Variants in DPP7 observed in about 807,000 individuals in gnomAD.
DPP7 encodes the protein dipeptidyl peptidase 7, also known as dipeptidyl peptidase 2.
Under a neutral mutation model 58.8 loss-of-function variants are expected in DPP7, and 74 were observed. That is an observed-to-expected ratio of 1.26 (90% CI 1.04 to 1.53). DPP7 has a LOEUF of 1.53. Ranked by LOEUF, DPP7 falls within the 40% of genes most tolerant of loss-of-function variation. DPP7 has a pLI of 0.00. For missense variants in DPP7, 807 were observed against 692.3 expected, an observed-to-expected ratio of 1.17 and a Z score of -1.86; for synonymous variants, 350 against 303.6, an observed-to-expected ratio of 1.15 and a Z score of -1.59.
Position 137,113,409 on chromosome 9 carries a change from A to T in DPP7, c.573T>A (p.Ala191=). 1 of 1,609,312 alleles carries T rather than the reference A, an allele frequency of 6.2e-7. No homozygotes were observed. The highest frequency in any genetic ancestry group is 8.5e-7 in the Non-Finnish European group (1 of 1,177,162). ...GGTTGGAGTCGCCGAGGCCTGCCAC[A>T]GCTAGAACGGGCGCGCTGGCCGCCA... is the stretch of plus-strand genomic sequence containing the variant. ...GALAASAPVL[A]VAGLGDSNQF... The change falls in exon 5 of 13, where the codon GCT becomes GCA. Residue 191 remains alanine, a synonymous_variant. Transcript: ENST00000371579.
rs759766855 is a variant in DPP7 at position 137,114,343 on chromosome 9, TAGA to T, written c.218_220del (p.Phe73del). The stretch of plus-strand genomic sequence containing the variant: ...CCACACGTCGCCCTCGTTCCCAGTG[TAGA>T]AGAAGATGGGCCCCTCGCCCCGGAC... On this transcript the variant is annotated inframe_deletion, in exon 3 of 13. Transcript: ENST00000371579. The T allele has an allele frequency of 5.7e-5, 92 of 1,606,242 alleles. No homozygotes were observed. The Middle Eastern group carries it at 1.6e-3, about 28-fold the overall frequency.
At chr9:137,116,331 G>T (rs564567703), upstream of DPP7, among the ~76,000 whole-genome samples, 1 of 152,324 alleles carries the variant, frequency 6.6e-6, no homozygotes, top group South Asian at 2.1e-4. Flanking sequence ...TATGCTGTAT[G>T]GAATCAAGGT....
At position 137,112,939 on chromosome 9, in the gene DPP7, A is replaced by G. The variant is rs1015724003; in HGVS notation, c.870+14T>C. On this transcript the variant is annotated intron_variant, in intron 7 of 12. Transcript: ENST00000371579. ...AGCCGGCCTCTCCCTGCGCCCTGGGAGGCGGCGCCTCACCTTGACGGGGTT... is the reference window on the plus strand; with the variant it reads ...AGCCGGCCTCTCCCTGCGCCCTGGGGGGCGGCGCCTCACCTTGACGGGGTT... 1.9e-6 allele frequency: 3 copies of G among 1,612,692 alleles called. No individual in the cohort carries two copies. Among genetic ancestry groups the G allele is most frequent in the Non-Finnish European group, 2.5e-6 (3 of 1,179,700 alleles).
chr9:137,114,619 G>T (rs528535958), intron 1 of DPP7, 28 bp downstream of exon 1: 2 of 1,427,656 alleles, frequency 1.4e-6, no homozygotes, highest in Non-Finnish European at 1.8e-6. Context: ...CGGGACCGGG[G>T]AATGGGCCGG....
At position 137,114,499 on chromosome 9, in the gene DPP7, C is replaced by G. The variant is rs375476962; in HGVS notation, c.145G>C (p.Gly49Arg). ...AAGCGCTGAGGGAAGGTCTTGTTGC[C>G]GAAGCGCTCGAAGTTGAAGTGGTCC... ...RLDHFNFERF[G>R]NKTFPQRFLV... The change falls in exon 2 of 13, where the codon GGC becomes CGC. Residue 49 changes from glycine (G) to arginine (R), a missense_variant. Gly to Arg is a moderately radical substitution (Grantham distance 125). This residue lies in a region of DPP7 where 168 missense variants were observed against 124.1 expected (regional missense o/e 1.35). Transcript: ENST00000371579. The G allele has an allele frequency of 3.2e-6, 5 of 1,583,148 alleles. No individual in the cohort carries two copies. Among genetic ancestry groups the G allele is most frequent in the Non-Finnish European group, 3.4e-6 (4 of 1,165,536 alleles).
chr9:137,114,004 A>C lies in DPP7; in HGVS notation c.346T>G (p.Phe116Val). 6.6e-7 allele frequency: 1 copy of C among 1,520,144 alleles called. No homozygotes were observed. The highest frequency in any genetic ancestry group is 8.8e-7 in the Non-Finnish European group (1 of 1,132,242). The allele number at this position is 1,520,144 out of a possible 1,614,324, so 94.2% of individuals were successfully genotyped here. A position where few individuals can be genotyped will look rare whatever the true frequency, so the allele number is the denominator to read the frequency against. Reference protein sequence around the residue: ...EHRYYGKSLPFGAQSTQRGHT... With the variant: ...EHRYYGKSLPVGAQSTQRGHT... ...CCGCGCTGCGTGGACTGCGCACCGA[A>C]CGGCAGCGACTTCCCGTAGTAGCGC... The change falls in exon 4 of 13, where the codon TTC becomes GTC. Residue 116 changes from phenylalanine (F) to valine (V), a missense_variant. Phe to Val is a conservative substitution (Grantham distance 50). This residue lies in a region of DPP7 where 624 missense variants were observed against 531.2 expected (regional missense o/e 1.17). Transcript: ENST00000371579.
chr9:137,116,228 C>T (rs937096354), upstream of DPP7, among the ~76,000 whole-genome samples: 6 of 152,226 alleles, frequency 3.9e-5, no homozygotes, highest in African/African-American at 2.4e-5. Flanking sequence ...CCTCCCAAGC[C>T]GGGAAGGGTG....
At chr9:137,113,660 G>A (rs1293466313) in intron 4 of DPP7, 164 bp from the exon 5 acceptor site, 2 of 1,428,568 alleles carry the variant, frequency 1.4e-6, no homozygotes, top group South Asian at 1.5e-5. Context: ...AAGGCCGCTA[G>A]TGTGGCCGCA....
chr9:137,115,763 G>A (rs774846176), upstream of DPP7, among the ~76,000 whole-genome samples: 5 of 152,086 alleles, frequency 3.3e-5, no homozygotes, highest in African/African-American at 4.8e-5. Flanking sequence ...TGACCATCAC[G>A]TCACACTGCA....
upstream of DPP7, chr9:137,114,924 G>A (rs1357351164): frequency 2.9e-6 from 1 of 343,606 alleles, no homozygotes; most frequent in East Asian, 4.5e-5. Flanking sequence ...GGAAGCAGAG[G>A]GCCCCCGGGC....
chr9:137,112,984 A>AAGTC lies in DPP7; in HGVS notation c.835_838dup (p.Phe280Ter). 1 of 1,613,486 alleles carries AAGTC rather than the reference A, an allele frequency of 6.2e-7. No homozygotes were observed. Among genetic ancestry groups the AAGTC allele is most frequent in the Non-Finnish European group, 8.5e-7 (1 of 1,179,986 alleles). ...GGGGTTGGCAGGGAGGGGACCCAGGAAGTCAGTGGGGTAGGGGTAGTCCAT... is the reference window on the plus strand; with the variant it reads ...GGGGTTGGCAGGGAGGGGACCCAGGAAGTCAGTCAGTGGGGTAGGGGTAGTCCAT... On this transcript the variant is annotated stop_gained and frameshift_variant, in exon 7 of 13. Coordinates refer to ENST00000371579, the MANE Select transcript of DPP7 (RefSeq NM_013379.3). LOFTEE classifies it high-confidence loss of function.
intron 7 of DPP7, 27 bp from the exon 8 acceptor site, chr9:137,112,832 A>G: frequency 6.2e-7 from 1 of 1,606,494 alleles, no homozygotes; most frequent in Non-Finnish European, 8.5e-7. Context: ...GCGGCGACTC[A>G]GCGGGGTCCC....
chr9:137,117,783 C>A (rs571175042), upstream of DPP7, among the ~76,000 whole-genome samples: 1 of 152,184 alleles, frequency 6.6e-6, no homozygotes, highest in Non-Finnish European at 1.5e-5. Flanking sequence ...ACCACTTCCG[C>A]GTGTGAAATT....
rs761128938 is a variant in DPP7 at position 137,114,310 on chromosome 9, G to C, written c.254C>G (p.Ala85Gly). ...CTCCGCGACGAAGGCCGAGTTGTTG[G>C]CGAAGGCCCACACGTCGCCCTCGTT... ...TGNEGDVWAFANNSAFVAELA... is the reference protein window; with the variant it reads ...TGNEGDVWAFGNNSAFVAELA... The change falls in exon 3 of 13, where the codon GCC (alanine) becomes GGC (glycine). Residue 85 changes from alanine to glycine, a missense_variant. Physicochemically the swap from Ala to Gly is moderately conservative, Grantham distance 60. Coordinates refer to ENST00000371579, the MANE Select transcript of DPP7 (RefSeq NM_013379.3). 6.2e-7 allele frequency: 1 copy of C among 1,605,346 alleles called. No homozygotes were observed. Among genetic ancestry groups the C allele is most frequent in the African/African-American group, 1.4e-5 (1 of 73,970 alleles).
chr9:137,116,449 A>AG (rs1293762699), upstream of DPP7, among the ~76,000 whole-genome samples: 3 of 152,262 alleles, frequency 2.0e-5, no homozygotes, highest in African/African-American at 7.2e-5. Context: ...AGGGCTGTGC[A>AG]GGATGTGCTT....
rs112613702 is a variant in DPP7, at chr9:137,114,238, C to T, written c.321+5G>A. On this transcript the variant is annotated splice_donor_5th_base_variant and intron_variant, in intron 3 of 12. Coordinates refer to ENST00000371579, the MANE Select transcript of DPP7 (RefSeq NM_013379.3). Reference sequence around the variant, plus strand: ...ACCCCGCCCGCGACCCCGCCCGGCACCCACGTGCTCCGCGAAGACCAGTAG... The same window carrying T: ...ACCCCGCCCGCGACCCCGCCCGGCATCCACGTGCTCCGCGAAGACCAGTAG... 415 of 1,545,990 alleles carry T rather than the reference C, an allele frequency of 2.7e-4. 4 individuals carry two copies. The Middle Eastern group carries it at 4.6e-3, about 17-fold the overall frequency.
At position 137,114,218 on chromosome 9, in the gene DPP7, G is replaced by GCCCGCGACCCCGCCCGGCACCCACGTGC. The variant is rs1831531688; in HGVS notation, c.318_321+24dup. On this transcript the variant is annotated intron_variant, in intron 3 of 12. Coordinates refer to ENST00000371579, the MANE Select transcript of DPP7 (RefSeq NM_013379.3). ...CGGCACCCACGTGCCCCGCGACCCC[G>GCCCGCGACCCCGCCCGGCACCCACGTGC]CCCGCGACCCCGCCCGGCACCCACG... 2.5e-6 allele frequency: 3 copies of GCCCGCGACCCCGCCCGGCACCCACGTGC among 1,179,620 alleles called. No homozygotes were observed. In the African/African-American group the frequency reaches 6.5e-5, roughly 26 times the overall value. The allele number at this position is 1,179,620 out of a possible 1,614,324, so 73.1% of individuals were successfully genotyped here.
Position 137,113,351 on chromosome 9 carries a change from C to T in DPP7, c.621+10G>A. 6.2e-7 allele frequency: 1 copy of T among 1,612,222 alleles called. No homozygotes were observed. The highest frequency in any genetic ancestry group is 8.5e-7 in the Non-Finnish European group (1 of 1,179,246). The stretch of plus-strand genomic sequence containing the variant: ...CTTAGGGGGCCTGGAGGACCCCAAG[C>T]CTCACTCACCGCCGTGACGTCCCGG... On this transcript the variant is annotated intron_variant, in intron 5 of 12. Transcript: ENST00000371579.
chr9:137,117,853 A>G (rs1377987978), upstream of DPP7, among the ~76,000 whole-genome samples: 1 of 151,822 alleles, frequency 6.6e-6, no homozygotes, highest in African/African-American at 2.4e-5. Context: ...ACTATTTTCC[A>G]CTATCTCATC....
Sources: allele counts gnomAD v4.1 joint callset (sites outside exome capture counted in the v4.1 genomes callset), GRCh38; gene constraint gnomAD v4.1.1; regional missense constraint gnomAD v4.1.1; transcripts MANE v1.5; gene names NCBI Gene and HGNC (gene_info 2026-07-23, HGNC 2026-07-21).